The following PPP4R3A variants were observed in gnomAD, a reference collection of about 807,000 sequenced individuals.
PPP4R3A encodes the protein protein phosphatase 4 regulatory subunit 3A.
In PPP4R3A, 15 loss-of-function variants were observed where a neutral mutation model predicts 91.7. The ratio of observed to expected loss-of-function variants is 0.16; its 90% CI spans 0.11 to 0.25. PPP4R3A has a LOEUF of 0.25. Among genes scored for constraint, PPP4R3A ranks in the 10% least tolerant of loss-of-function variants. The pLI is 1.00. For synonymous variants in PPP4R3A, 377 were observed against 348.7 expected (o/e 1.08, Z -0.91); for missense variants, 623 against 998.4 (o/e 0.62, Z 5.07).
Position 91,509,816 on chromosome 14 carries a change from A to T in PPP4R3A, c.-169T>A, listed in dbSNP as rs1198495850. 2 of 1,208,046 alleles carry T rather than the reference A, an allele frequency of 1.7e-6. No homozygotes were observed. Among genetic ancestry groups the T allele is most frequent in the Non-Finnish European group, 1.0e-6 (1 of 976,018 alleles). The allele number at this position is 1,208,046 out of a possible 1,614,324, so 74.8% of individuals were successfully genotyped here. ...CGCCGCCGCCTGCATGGCCCGCTCC[A>T]GGGACCGAGCTCTGGGCCGCCGCCT... is the stretch of plus-strand genomic sequence containing the variant. On this transcript the variant is annotated 5_prime_UTR_variant, in exon 1 of 15. Coordinates refer to ENST00000554943, the MANE Select transcript of PPP4R3A (RefSeq NM_001366432.2).
rs1888792785 is a variant in PPP4R3A, at chr14:91,470,895, C to T, written c.1602G>A (p.Lys534=). The T allele has an allele frequency of 1.2e-6, 2 of 1,612,022 alleles. No homozygotes were observed. The highest frequency in any genetic ancestry group is 2.2e-5 in the East Asian group (1 of 44,822). ...GAACTAGCACTCTCCGGAGGATATC[C>T]TTATTAATAATGTAGTTCTTTATGT... ...TYHIKNYIIN[K]DILRRVLVLM... The change falls in exon 10 of 15, where the codon AAG becomes AAA. Residue 534 remains lysine, a synonymous_variant. Transcript: ENST00000554943.
At chr14:91,462,457 T>C (rs1447979423) in intron 12 of PPP4R3A, among the ~76,000 whole-genome samples, 1 of 151,890 alleles carries the variant, frequency 6.6e-6, no homozygotes, top group Admixed American at 6.6e-5. Flanking sequence ...TATAATCCTC[T>C]GATTTTATTT....
intron 2 of PPP4R3A, among the ~76,000 whole-genome samples, chr14:91,486,250 G>A (rs3837629): frequency 2.4e-5 from 2 of 82,164 alleles, no homozygotes; most frequent in African/African-American, 4.2e-5. Context: ...AGGTTTTTTT[G>A]TTTTTTTTTT....
At position 91,495,143 on chromosome 14, in the gene PPP4R3A, G is replaced by A. The variant is rs115329971; in HGVS notation, c.143-4341C>T. ...ACTTGTACATTTATATTCACAGCAA[G>A]GTTATTTACAACAGCAAAAAATGAA... On this transcript the variant is annotated intron_variant, in intron 1 of 14. Coordinates refer to ENST00000554943, the MANE Select transcript of PPP4R3A (RefSeq NM_001366432.2). Among the ~76,000 whole-genome samples the A allele has an allele frequency of 5.6e-3, 851 of 152,130 alleles. 5 individuals are homozygous for A. The highest frequency in any genetic ancestry group is 0.019 in the African/African-American group (808 of 41,498).
In PPP4R3A at chr14:91,465,725, A is replaced by T. The variant is rs532597032; in HGVS notation, c.1661-306T>A. 6.0e-4 allele frequency among the ~76,000 whole-genome samples: 91 copies of T among 152,346 alleles called. 1 individual carries two copies. The highest frequency in any genetic ancestry group is 2.2e-3 in the African/African-American group (91 of 41,584). ...TTACATCTAAAATAAGAGCTAAGAC[A>T]AATGAATGAACCTATCACACTACTT... On this transcript the variant is annotated intron_variant, in intron 10 of 14. Coordinates refer to ENST00000554943, the MANE Select transcript of PPP4R3A (RefSeq NM_001366432.2).
intron 1 of PPP4R3A, among the ~76,000 whole-genome samples, chr14:91,492,233 A>C (rs954391249): frequency 6.6e-6 from 1 of 152,196 alleles, no homozygotes; most frequent in Non-Finnish European, 1.5e-5. Flanking sequence ...GTACTACCTG[A>C]AGACAAACTC....
chr14:91,484,068 T>C lies in PPP4R3A; in HGVS notation c.297+1564A>G, dbSNP rs139731265. Among the ~76,000 whole-genome samples the C allele has an allele frequency of 4.4e-3, 664 of 152,304 alleles. 3 individuals carry two copies. The highest frequency in any genetic ancestry group is 7.7e-3 in the Non-Finnish European group (524 of 68,030). ...TGAACTCATTAATGTCACCTCTCTC[T>C]CTTTGGGATAACACTACAAGACAAA... On this transcript the variant is annotated intron_variant, in intron 3 of 14. Transcript: ENST00000554943.
intron 9 of PPP4R3A, among the ~76,000 whole-genome samples, chr14:91,472,824 ACAACCAAC>A (rs57949752): frequency 2.0e-5 from 3 of 150,402 alleles, no homozygotes; most frequent in Admixed American, 6.7e-5. Flanking sequence ...TTTGATAAAA[ACAACCAAC>A]CAACCAACCA....
chr14:91,483,710 A>C (rs1213437941), intron 3 of PPP4R3A, among the ~76,000 whole-genome samples: 5 of 152,224 alleles, frequency 3.3e-5, no homozygotes, highest in Non-Finnish European at 5.9e-5. Context: ...ATGATTGAGA[A>C]GTTCAGACAG....
chr14:91,509,734 C>T lies in PPP4R3A; in HGVS notation c.-87G>A. ...AGAGGCGAGGGGCGAGGCGTGAGGG[C>T]GCCCGCGAGCGGAGGGCTCCCCGGC... On this transcript the variant is annotated 5_prime_UTR_variant, in exon 1 of 15. Coordinates refer to ENST00000554943, the MANE Select transcript of PPP4R3A (RefSeq NM_001366432.2). 1.4e-6 allele frequency: 2 copies of T among 1,393,610 alleles called. No homozygotes were observed. Among genetic ancestry groups the T allele is most frequent in the South Asian group, 1.6e-5 (1 of 64,420 alleles). 86.3% of individuals were successfully genotyped at this position (1,393,610 alleles called of 1,614,324 possible).
chr14:91,476,342 A>G (rs1889204469), intron 6 of PPP4R3A, 66 bp downstream of exon 6: 3 of 1,103,762 alleles, frequency 2.7e-6, no homozygotes, highest in Non-Finnish European at 4.1e-6. Flanking sequence ...ATTTGCATGT[A>G]GCATTAAAAA....
At chr14:91,494,191 C>A (rs1890402768) in intron 1 of PPP4R3A, among the ~76,000 whole-genome samples, 1 of 152,180 alleles carries the variant, frequency 6.6e-6, no homozygotes, top group African/African-American at 2.4e-5. Context: ...AATTGCATTA[C>A]TTTAACAAAT....
chr14:91,472,282 C>A (rs1483130199), intron 9 of PPP4R3A, among the ~76,000 whole-genome samples: 1 of 151,998 alleles, frequency 6.6e-6, no homozygotes, highest in African/African-American at 2.4e-5. Context: ...AAAATCCTAG[C>A]TCTGTCTATA....
chr14:91,469,271 CA>C (rs1183299454), intron 10 of PPP4R3A, among the ~76,000 whole-genome samples: 3 of 152,052 alleles, frequency 2.0e-5, no homozygotes, highest in Non-Finnish European at 2.9e-5. Flanking sequence ...TAAAAGTGTA[CA>C]TTTTTTGAAT....
chr14:91,498,437 T>C lies in PPP4R3A; in HGVS notation c.143-7635A>G, dbSNP rs79621862. Among the ~76,000 whole-genome samples the C allele has an allele frequency of 8.0e-4, 122 of 152,366 alleles. 1 individual carries two copies. The highest frequency in any genetic ancestry group is 3.4e-3 in the Middle Eastern group (1 of 294). ...ACATGCTAAGTTAGAACATTATTTT[T>C]AAGTGATTTTTTTCCTAAAGTCTGT... is the stretch of plus-strand genomic sequence containing the variant. On this transcript the variant is annotated intron_variant, in intron 1 of 14. Coordinates refer to ENST00000554943, the MANE Select transcript of PPP4R3A (RefSeq NM_001366432.2).
In PPP4R3A at chr14:91,473,310, C is replaced by G; in HGVS notation, c.1327G>C (p.Gly443Arg). The G allele has an allele frequency of 6.2e-7, 1 of 1,614,102 alleles. No homozygotes were observed. Among genetic ancestry groups the G allele is most frequent in the Non-Finnish European group, 8.5e-7 (1 of 1,180,026 alleles). ...AGGCCCATAAGCTGGACTGCTCCTC[C>G]AAGTTCAGGATCTGTATCACAAATC... ...HMICDTDPELGGAVQLMGLLR... is the reference protein window; with the variant it reads ...HMICDTDPELRGAVQLMGLLR... Residue 443 changes from glycine (G) to arginine (R), a missense_variant, in exon 8 of 15, where the codon GGA (glycine) becomes CGA (arginine). By Grantham distance (125) the Gly-to-Arg change is moderately radical (BLOSUM62 -2). This residue lies in a region of PPP4R3A where 264 missense variants were observed against 377.3 expected (regional missense o/e 0.70). Transcript: ENST00000554943.
chr14:91,480,281 T>C (rs1157217526), intron 4 of PPP4R3A, among the ~76,000 whole-genome samples: 2 of 152,192 alleles, frequency 1.3e-5, no homozygotes, highest in Non-Finnish European at 2.9e-5. Flanking sequence ...CTTTACAGGG[T>C]AGGCATTAAT....
chr14:91,478,493 C>G (rs1889343813), intron 4 of PPP4R3A, among the ~76,000 whole-genome samples: 1 of 152,242 alleles, frequency 6.6e-6, no homozygotes, highest in Non-Finnish European at 1.5e-5. Context: ...CACAGCAGCA[C>G]TTTGGATAGA....
rs557051081 is a variant in PPP4R3A, at chr14:91,475,553, T to A, written c.1266+258A>T. 297 of 340,972 alleles carry A rather than the reference T, an allele frequency of 8.7e-4. 3 individuals are homozygous for A. The South Asian group carries it at 0.011, about 13-fold the overall frequency. 21.1% of individuals were successfully genotyped at this position (340,972 alleles called of 1,614,324 possible). Reference sequence around the variant, plus strand: ...ATTTAAAAAACACAATATAGCAAGTTGACTTCAGAATTAAAACAAAACAAA... The same window carrying A: ...ATTTAAAAAACACAATATAGCAAGTAGACTTCAGAATTAAAACAAAACAAA... On this transcript the variant is annotated intron_variant, in intron 7 of 14. Coordinates refer to ENST00000554943, the MANE Select transcript of PPP4R3A (RefSeq NM_001366432.2).
Sources: gnomAD v4.1 joint callset for allele counts (sites outside exome capture counted in the v4.1 genomes callset) on GRCh38, gnomAD v4.1.1 for gene constraint, gnomAD v4.1.1 regional missense constraint, MANE v1.5 for transcripts, NCBI Gene and HGNC (gene_info 2026-07-23, HGNC 2026-07-21) for gene names.